The following DGKB variants were observed in gnomAD, a reference collection of about 807,000 sequenced individuals.
DGKB encodes diacylglycerol kinase beta.
DGKB carries 67 observed loss-of-function variants against 114.3 expected under a neutral mutation model. The observed-to-expected ratio is 0.59, with a 90% CI of 0.48 to 0.72. The LOEUF (loss-of-function observed/expected upper bound fraction) is 0.72, where lower values mean the gene tolerates loss of function less well. DGKB is among the 30% of genes least tolerant of loss of function. The probability of loss-of-function intolerance (pLI) is 0.00; values close to 1 mark genes in which losing one functional copy is unlikely to be tolerated. For synonymous variants in DGKB, 398 were observed against 323.1 expected (o/e 1.23, Z -2.49); for missense variants, 907 against 975.2 (o/e 0.93, Z 0.93).
At chr7:14,862,492 TATA>T (rs1308043010) in intron 1 of DGKB, among the ~76,000 whole-genome samples, 3 of 152,078 alleles carry the variant, frequency 2.0e-5, no homozygotes, top group African/African-American at 4.8e-5. Flanking sequence ...GGTGAGGTAT[TATA>T]ATAATATTAT....
intron 1 of DGKB, among the ~76,000 whole-genome samples, chr7:14,920,763 G>A (rs1284980133): frequency 1.3e-5 from 2 of 151,920 alleles, no homozygotes; most frequent in Non-Finnish European, 2.9e-5. Flanking sequence ...TTTCAACAGA[G>A]GAAAAGATAA....
intron 23 of DGKB, among the ~76,000 whole-genome samples, chr7:14,292,953 T>G (rs1405170077): frequency 1.3e-5 from 2 of 152,168 alleles, no homozygotes. Flanking sequence ...ATTCTGGGCT[T>G]CTCTGGATGG....
chr7:14,894,201 G>C (rs373854821), intron 1 of DGKB, among the ~76,000 whole-genome samples: 2 of 151,480 alleles, frequency 1.3e-5, no homozygotes, highest in South Asian at 2.1e-4. Flanking sequence ...ATAAAAAACT[G>C]TTCAACTTTA....
At chr7:14,899,463 C>T (rs1782635296) in intron 1 of DGKB, among the ~76,000 whole-genome samples, 1 of 152,046 alleles carries the variant, frequency 6.6e-6, no homozygotes. Context: ...ACACACACAC[C>T]CCAAAGAGTT....
intron 23 of DGKB, among the ~76,000 whole-genome samples, chr7:14,249,035 G>A (rs1459215121): frequency 6.6e-6 from 1 of 152,046 alleles, no homozygotes; most frequent in Non-Finnish European, 1.5e-5. Flanking sequence ...CTAATTTGGT[G>A]AGCGTCTTTA....
At chr7:14,426,661 T>C (rs1198417530) in intron 21 of DGKB, among the ~76,000 whole-genome samples, 1 of 152,160 alleles carries the variant, frequency 6.6e-6, no homozygotes, top group Non-Finnish European at 1.5e-5. Context: ...AGGCGAACTA[T>C]TTAACAGGCT....
chr7:14,643,075 A>G (rs1284051654), intron 13 of DGKB, among the ~76,000 whole-genome samples: 1 of 152,206 alleles, frequency 6.6e-6, no homozygotes, highest in Non-Finnish European at 1.5e-5. Context: ...CAAATGGAGC[A>G]TCTAAGGGAG....
intron 20 of DGKB, among the ~76,000 whole-genome samples, chr7:14,545,026 T>C (rs1794062148): frequency 6.6e-6 from 1 of 152,148 alleles, no homozygotes; most frequent in Non-Finnish European, 1.5e-5. Flanking sequence ...ATTCCCATTT[T>C]CTTTATACTT....
chr7:14,794,518 C>T (rs1037502931), intron 2 of DGKB, among the ~76,000 whole-genome samples: 4 of 152,098 alleles, frequency 2.6e-5, no homozygotes, highest in African/African-American at 9.7e-5. Context: ...AAAAGAAAAA[C>T]ATAAGCTAAG....
chr7:14,802,415 C>G lies in DGKB; in HGVS notation c.70+38779G>C, dbSNP rs561785699. ...ATTAGTAGGCCCACTAAAAGCTACT[C>G]AGCTTAATAAGGTCAGTAGTATGTT... On this transcript the variant is annotated intron_variant, in intron 2 of 25. Transcript: ENST00000402815. 3.1e-3 allele frequency among the ~76,000 whole-genome samples: 470 copies of G among 152,226 alleles called. 2 individuals carry two copies. Among genetic ancestry groups the G allele is most frequent in the African/African-American group, 0.011 (443 of 41,532 alleles).
intron 23 of DGKB, among the ~76,000 whole-genome samples, chr7:14,236,064 G>C (rs960930771): frequency 6.6e-6 from 1 of 151,826 alleles, no homozygotes; most frequent in Non-Finnish European, 1.5e-5. Context: ...TTTCCTTTCT[G>C]TCAAAAATTA....
chr7:14,529,441 A>C (rs1791195844), intron 20 of DGKB, among the ~76,000 whole-genome samples: 1 of 151,908 alleles, frequency 6.6e-6, no homozygotes. Flanking sequence ...ATATGATTAA[A>C]AACATTAATA....
intron 21 of DGKB, among the ~76,000 whole-genome samples, chr7:14,361,052 G>T (rs1415435112): frequency 6.6e-6 from 1 of 151,842 alleles, no homozygotes; most frequent in Admixed American, 6.6e-5. Flanking sequence ...ATTCTGTGAA[G>T]ACTACCACAG....
intron 21 of DGKB, among the ~76,000 whole-genome samples, chr7:14,384,668 T>C (rs1820033849): frequency 1.3e-5 from 2 of 152,222 alleles, no homozygotes; most frequent in African/African-American, 4.8e-5. Flanking sequence ...TCCTAAAGAA[T>C]GGCAAATTCC....
intron 23 of DGKB, among the ~76,000 whole-genome samples, chr7:14,279,707 C>G (rs1199805680): frequency 6.6e-6 from 1 of 151,962 alleles, no homozygotes; most frequent in East Asian, 1.9e-4. Flanking sequence ...CACCCCTGAC[C>G]CCCGAGCAGC....
chr7:14,884,164 A>T (rs2128217769), intron 1 of DGKB, among the ~76,000 whole-genome samples: 1 of 152,110 alleles, frequency 6.6e-6, no homozygotes, highest in African/African-American at 2.4e-5. Context: ...CAGCCCTAAA[A>T]ATATGCAAAC....
chr7:14,220,295 A>G (rs1789717129), intron 23 of DGKB, among the ~76,000 whole-genome samples: 1 of 151,586 alleles, frequency 6.6e-6, no homozygotes, highest in African/African-American at 2.4e-5. Context: ...TAATGTGGGG[A>G]ACGACTGTAT....
chr7:14,301,545 T>G lies in DGKB; in HGVS notation c.2122+36970A>C, dbSNP rs140426576. Among the ~76,000 whole-genome samples the G allele has an allele frequency of 7.1e-3, 1,078 of 152,244 alleles. 17 individuals carry two copies. Among genetic ancestry groups the G allele is most frequent in the African/African-American group, 0.025 (1,025 of 41,562 alleles). On this transcript the variant is annotated intron_variant, in intron 23 of 25. Transcript: ENST00000402815. ...TCCTCATAAGAGCAGTCAGTAATCTTTTAAAAAGATAGATTAGGGAATGTT... is the reference window on the plus strand; with the variant it reads ...TCCTCATAAGAGCAGTCAGTAATCTGTTAAAAAGATAGATTAGGGAATGTT...
chr7:14,395,394 T>C (rs888100794), intron 21 of DGKB, among the ~76,000 whole-genome samples: 1 of 152,042 alleles, frequency 6.6e-6, no homozygotes, highest in African/African-American at 2.4e-5. Context: ...TATAATTTAG[T>C]AAATATACTT....
Sources: gnomAD v4.1 joint callset for allele counts (sites outside exome capture counted in the v4.1 genomes callset) on GRCh38, gnomAD v4.1.1 for gene constraint, MANE v1.5 for transcripts, NCBI Gene and HGNC (gene_info 2026-07-23, HGNC 2026-07-21) for gene names.